Variants in GABRG3 observed in about 807,000 individuals in gnomAD.
The protein encoded by GABRG3 is gamma-aminobutyric acid receptor subunit gamma-3.
In GABRG3, 25 loss-of-function variants were observed where a neutral mutation model predicts 48.8. The observed-to-expected ratio is 0.51, with a 90% CI of 0.37 to 0.72. The LOEUF (loss-of-function observed/expected upper bound fraction) is 0.72. GABRG3 is among the 30% of genes least tolerant of loss of function. The probability of loss-of-function intolerance (pLI) is 0.00; values close to 1 mark genes in which losing one functional copy is unlikely to be tolerated. For missense variants in GABRG3, 394 were observed against 577.9 expected, an observed-to-expected ratio of 0.68 and a Z score of 3.26; for synonymous variants, 227 against 217.6, an observed-to-expected ratio of 1.04 and a Z score of -0.38.
intron 3 of GABRG3, among the ~76,000 whole-genome samples, chr15:27,044,114 C>T (rs552300359): frequency 6.6e-6 from 1 of 152,276 alleles, no homozygotes. Context: ...ATAATCTAAC[C>T]TCGGAAGTGA....
At chr15:26,989,245 TTATTCTTAGTTGCCAAATCA>T (rs1895204342) in intron 2 of GABRG3, among the ~76,000 whole-genome samples, 1 of 152,220 alleles carries the variant, frequency 6.6e-6, no homozygotes, top group Non-Finnish European at 1.5e-5. Context: ...TTCTTTCATC[TTATTCTTAGTTGCCAAATCA>T]TATTCTATGT....
chr15:27,174,373 A>G (rs1487797342), intron 3 of GABRG3, among the ~76,000 whole-genome samples: 1 of 152,170 alleles, frequency 6.6e-6, no homozygotes, highest in Non-Finnish European at 1.5e-5. Flanking sequence ...CATATGTTGT[A>G]ACTCATCACA....
intron 3 of GABRG3, among the ~76,000 whole-genome samples, chr15:27,027,501 G>A (rs559378790): frequency 2.0e-4 from 30 of 152,342 alleles, no homozygotes; most frequent in African/African-American, 7.0e-4. Context: ...ACGTGAGGCC[G>A]AGGGAGGGGA....
intron 3 of GABRG3, among the ~76,000 whole-genome samples, chr15:27,105,824 T>TGAA (rs1897439982): frequency 6.6e-6 from 1 of 152,096 alleles, no homozygotes; most frequent in African/African-American, 2.4e-5. Flanking sequence ...ATATCTGCTT[T>TGAA]CCCATGCTCA....
intron 5 of GABRG3, among the ~76,000 whole-genome samples, chr15:27,354,991 T>A (rs980979906): frequency 4.6e-5 from 7 of 152,106 alleles, no homozygotes; most frequent in Non-Finnish European, 1.5e-5. Flanking sequence ...GGAGGATCAT[T>A]GAGAAGGAGA....
intron 3 of GABRG3, among the ~76,000 whole-genome samples, chr15:27,307,958 A>T (rs999874384): frequency 7.3e-6 from 1 of 136,374 alleles, no homozygotes; most frequent in African/African-American, 2.8e-5. Flanking sequence ...TGTAAAATAA[A>T]CATGTTTATA....
chr15:27,370,465 C>T (rs989515265), intron 5 of GABRG3, among the ~76,000 whole-genome samples: 1 of 152,186 alleles, frequency 6.6e-6, no homozygotes, highest in African/African-American at 2.4e-5. Context: ...CTGTTTGGGT[C>T]ATCTCCAATT....
At chr15:27,109,660 A>G (rs990418644) in intron 3 of GABRG3, among the ~76,000 whole-genome samples, 1 of 152,196 alleles carries the variant, frequency 6.6e-6, no homozygotes, top group Admixed American at 6.5e-5. Flanking sequence ...AGGTGGGCGA[A>G]TCACCCGGAC....
intron 6 of GABRG3, among the ~76,000 whole-genome samples, chr15:27,484,299 ACCT>A (rs1223183039): frequency 1.3e-5 from 2 of 152,074 alleles, no homozygotes; most frequent in Admixed American, 6.5e-5. Flanking sequence ...CAATAAGTAA[ACCT>A]CCTACATTTT....
chr15:27,206,366 GA>G (rs1888851860), intron 3 of GABRG3, among the ~76,000 whole-genome samples: 2 of 152,156 alleles, frequency 1.3e-5, no homozygotes. Context: ...ATGGTTTTGA[GA>G]GACTTTCTTG....
At chr15:26,988,593 A>G (rs1178133657) in intron 2 of GABRG3, among the ~76,000 whole-genome samples, 2 of 152,100 alleles carry the variant, frequency 1.3e-5, no homozygotes, top group East Asian at 3.8e-4. Context: ...AAAAAAGCCC[A>G]ATCTAACAAT....
chr15:27,379,714 T>C (rs1474160148), intron 5 of GABRG3, among the ~76,000 whole-genome samples: 1 of 152,208 alleles, frequency 6.6e-6, no homozygotes, highest in Non-Finnish European at 1.5e-5. Context: ...GGATTTTTTC[T>C]TTCAACACTA....
At chr15:27,019,538 T>G (rs1895848055) in intron 2 of GABRG3, among the ~76,000 whole-genome samples, 1 of 152,210 alleles carries the variant, frequency 6.6e-6, no homozygotes, top group Non-Finnish European at 1.5e-5. Flanking sequence ...GCATACTGAT[T>G]AAATGCAAAC....
At chr15:27,502,033 CA>C (rs1254993945) in intron 6 of GABRG3, among the ~76,000 whole-genome samples, 3 of 152,114 alleles carry the variant, frequency 2.0e-5, no homozygotes, top group Non-Finnish European at 4.4e-5. Flanking sequence ...GGACTGAAGC[CA>C]CAATCACTAG....
At chr15:27,074,294 A>G (rs1896873963) in intron 3 of GABRG3, among the ~76,000 whole-genome samples, 1 of 152,028 alleles carries the variant, frequency 6.6e-6, no homozygotes, top group Non-Finnish European at 1.5e-5. Context: ...TTGACCAGAG[A>G]CTACCACGTG....
chr15:27,511,352 C>T (rs182138629), intron 6 of GABRG3, among the ~76,000 whole-genome samples: 33 of 152,252 alleles, frequency 2.2e-4, no homozygotes, highest in African/African-American at 7.5e-4. Flanking sequence ...ATCCCTGAGC[C>T]GTGTCCCCTC....
At chr15:27,059,065 AT>A (rs1896601997) in intron 3 of GABRG3, among the ~76,000 whole-genome samples, 1 of 152,244 alleles carries the variant, frequency 6.6e-6, no homozygotes, top group African/African-American at 2.4e-5. Flanking sequence ...AAATATGGAA[AT>A]TCTTCATATA....
chr15:27,052,894 AT>A (rs1254266672), intron 3 of GABRG3, among the ~76,000 whole-genome samples: 1 of 152,224 alleles, frequency 6.6e-6, no homozygotes, highest in Non-Finnish European at 1.5e-5. Context: ...GATAAAATTG[AT>A]AAAAATAAGC....
At chr15:27,106,782 ACT>A (rs951855356) in intron 3 of GABRG3, among the ~76,000 whole-genome samples, 27 of 152,094 alleles carry the variant, frequency 1.8e-4, no homozygotes, top group Admixed American at 9.2e-4. Context: ...AAAAAGGAAC[ACT>A]CTGAATAATT....
Sources: allele counts gnomAD v4.1 joint callset (sites outside exome capture counted in the v4.1 genomes callset), GRCh38; gene constraint gnomAD v4.1.1; transcripts MANE v1.5; gene names NCBI Gene and HGNC (gene_info 2026-07-23, HGNC 2026-07-21).